FNDC3B: variants seen among roughly 807,000 people sequenced by gnomAD.
FNDC3B encodes fibronectin type III domain-containing protein 3B.
FNDC3B carries 12 observed loss-of-function variants against 151.5 expected under a neutral mutation model. The ratio of observed to expected loss-of-function variants is 0.08; its 90% CI spans 0.05 to 0.13. The LOEUF (loss-of-function observed/expected upper bound fraction) is 0.13. Ranked by LOEUF, FNDC3B falls within the 10% of genes least tolerant of loss-of-function variation. The pLI, the probability that FNDC3B is intolerant of heterozygous loss-of-function variation, is 1.00. For synonymous variants in FNDC3B, 528 were observed against 549.0 expected (o/e 0.96, Z 0.54); for missense variants, 1,214 against 1,505.3 (o/e 0.81, Z 3.20).
intron 6 of FNDC3B, among the ~76,000 whole-genome samples, chr3:172,285,259 C>G (rs547195532): frequency 2.6e-5 from 4 of 152,304 alleles, no homozygotes; most frequent in Non-Finnish European, 4.4e-5. Context: ...TGTCTCTACT[C>G]TCAGCTCTAG....
intron 11 of FNDC3B, among the ~76,000 whole-genome samples, chr3:172,324,434 G>A (rs150371583): frequency 1.7e-3 from 255 of 152,294 alleles, no homozygotes; most frequent in African/African-American, 5.7e-3. Flanking sequence ...GGTTGAGTGC[G>A]AAGAGGAACA....
At chr3:172,173,971 G>A (rs62283841) in intron 3 of FNDC3B, among the ~76,000 whole-genome samples, 11,195 of 152,236 alleles carry the variant, frequency 0.074, 423 homozygotes, top group Middle Eastern at 0.12. Context: ...TGTTATTTAC[G>A]GGGAAAACTC....
chr3:172,380,051 A>T (rs1576962402), intron 24 of FNDC3B, among the ~76,000 whole-genome samples: 1 of 147,324 alleles, frequency 6.8e-6, no homozygotes. Context: ...TAGTATTTCC[A>T]GCGTAGGCTC....
intron 16 of FNDC3B, chr3:172,338,135 G>A (rs1018636607): frequency 9.2e-5 from 14 of 152,172 alleles, no homozygotes; most frequent in African/African-American, 3.4e-4. Context: ...CCAACATGGT[G>A]AAACCCCGTC....
chr3:172,330,367 G>A (rs1202362635), intron 12 of FNDC3B, 174 bp from the exon 13 acceptor site: 4 of 523,422 alleles, frequency 7.6e-6, no homozygotes, highest in Admixed American at 3.5e-5. Context: ...GGGGTGGGGG[G>A]ATGGGGAAGC....
chr3:172,396,823 C>T (rs1560116103), intron 25 of FNDC3B, among the ~76,000 whole-genome samples: 1 of 152,158 alleles, frequency 6.6e-6, no homozygotes, highest in Non-Finnish European at 1.5e-5. Context: ...AAAACCAGTC[C>T]CTGGTGCCCA....
intron 1 of FNDC3B, among the ~76,000 whole-genome samples, chr3:172,060,551 C>T (rs1016853439): frequency 6.6e-6 from 1 of 152,114 alleles, no homozygotes; most frequent in African/African-American, 2.4e-5. Flanking sequence ...GTTTAGGGAG[C>T]CATCAGTTCA....
chr3:172,173,712 T>A (rs1723399850), intron 3 of FNDC3B, among the ~76,000 whole-genome samples: 2 of 151,838 alleles, frequency 1.3e-5, no homozygotes, highest in Admixed American at 6.6e-5. Flanking sequence ...TCCCAGCTAC[T>A]CAGGAGGCTG....
At chr3:172,139,615 C>A (rs981011723) in intron 3 of FNDC3B, among the ~76,000 whole-genome samples, 12 of 152,142 alleles carry the variant, frequency 7.9e-5, no homozygotes, top group Admixed American at 7.2e-4. Flanking sequence ...TCTTTGCCAA[C>A]TTTTATTATA....
intron 23 of FNDC3B, among the ~76,000 whole-genome samples, chr3:172,371,005 C>T (rs1049179071): frequency 1.3e-5 from 2 of 152,250 alleles, no homozygotes; most frequent in East Asian, 1.9e-4. Context: ...TGGTGTTGTT[C>T]ACTGTATGGA....
intron 4 of FNDC3B, among the ~76,000 whole-genome samples, chr3:172,244,716 C>T (rs960104677): frequency 1.4e-5 from 2 of 146,828 alleles, no homozygotes; most frequent in African/African-American, 2.6e-5. Flanking sequence ...CCTCCACCTC[C>T]TGGGTTCAAG....
intron 2 of FNDC3B, among the ~76,000 whole-genome samples, 159 bp from the exon 3 acceptor site, chr3:172,133,312 T>TA (rs1425752338): frequency 6.6e-6 from 1 of 152,258 alleles, no homozygotes; most frequent in Non-Finnish European, 1.5e-5. Context: ...GTACTCCTCC[T>TA]ACCCCCATGC....
intron 14 of FNDC3B, among the ~76,000 whole-genome samples, chr3:172,334,699 C>T (rs560107519): frequency 1.6e-3 from 237 of 152,282 alleles, no homozygotes; most frequent in Middle Eastern, 0.014. Flanking sequence ...ACTTTGGCCT[C>T]CCAAAGTGTT....
chr3:172,075,511 G>A (rs572829267), intron 1 of FNDC3B, among the ~76,000 whole-genome samples: 6 of 152,178 alleles, frequency 3.9e-5, no homozygotes, highest in South Asian at 2.1e-4. Context: ...GGAATTAACC[G>A]ATTCCTTCTA....
intron 21 of FNDC3B, among the ~76,000 whole-genome samples, chr3:172,350,028 T>G (rs150862655): frequency 6.6e-6 from 1 of 152,260 alleles, no homozygotes; most frequent in Non-Finnish European, 1.5e-5. Flanking sequence ...AAAAGCAGAG[T>G]AGGAGATAGA....
intron 1 of FNDC3B, among the ~76,000 whole-genome samples, chr3:172,085,390 G>T (rs955398440): frequency 6.6e-6 from 1 of 152,136 alleles, no homozygotes; most frequent in Non-Finnish European, 1.5e-5. Context: ...GTTAGTGAAG[G>T]TCTTGAACTA....
At chr3:172,347,881 G>C (rs983890199) in intron 21 of FNDC3B, among the ~76,000 whole-genome samples, 3 of 152,208 alleles carry the variant, frequency 2.0e-5, no homozygotes, top group African/African-American at 7.2e-5. Context: ...TTCCACTTGG[G>C]AGTCCAGATA....
intron 1 of FNDC3B, among the ~76,000 whole-genome samples, chr3:172,091,512 A>G: frequency 6.6e-6 from 1 of 151,380 alleles, no homozygotes; most frequent in South Asian, 2.1e-4. Context: ...AGAGATGAGC[A>G]TTGTAGTATC....
At chr3:172,062,100 A>G (rs774892958) in intron 1 of FNDC3B, among the ~76,000 whole-genome samples, 19 of 152,162 alleles carry the variant, frequency 1.2e-4, no homozygotes, top group Non-Finnish European at 2.6e-4. Context: ...TTTTTTATAC[A>G]TGCAATAAAG....
Sources: gnomAD v4.1 joint callset for allele counts (sites outside exome capture counted in the v4.1 genomes callset) on GRCh38, gnomAD v4.1.1 for gene constraint, MANE v1.5 for transcripts, NCBI Gene and HGNC (gene_info 2026-07-23, HGNC 2026-07-21) for gene names.